Variants in CES3 observed in about 807,000 individuals in gnomAD.
CES3 encodes carboxylesterase 3 (brain).
A neutral mutation model predicts 57.6 loss-of-function variants in CES3; 49 were observed. The observed-to-expected ratio is 0.85, with a 90% CI of 0.68 to 1.08. CES3 has a LOEUF of 1.08. Ranked by LOEUF, CES3 falls within the 50% of genes least tolerant of loss-of-function variation. The pLI, the probability that CES3 is intolerant of heterozygous loss-of-function variation, is 0.00. For missense variants in CES3, 645 were observed against 742.0 expected (o/e 0.87, Z 1.52); for synonymous variants, 266 against 281.6 (o/e 0.94, Z 0.55).
chr16:66,973,367 C>T lies in CES3; in HGVS notation c.*318C>T. The T allele has an allele frequency of 3.5e-6, 1 of 284,818 alleles. No individual in the cohort carries two copies. The highest frequency in any genetic ancestry group is 6.7e-6 in the Non-Finnish European group (1 of 148,362). The allele number at this position is 284,818 out of a possible 1,614,324, so 17.6% of individuals were successfully genotyped here. A position where few individuals can be genotyped will look rare whatever the true frequency, so the allele number is the denominator to read the frequency against. On this transcript the variant is annotated 3_prime_UTR_variant, in exon 13 of 13. Transcript: ENST00000303334. ...TCCCTGCCTTCTCTGGGCTGTGCGG[C>T]CCCGAGTCTGCGTCCATTAGAGCAC...
intron 9 of CES3, among the ~76,000 whole-genome samples, chr16:66,970,610 C>G (rs1963816073): frequency 6.6e-6 from 1 of 151,744 alleles, no homozygotes; most frequent in South Asian, 2.1e-4. Context: ...TATCCTATCC[C>G]CTCTAAGCCC....
intron 8 of CES3, 117 bp downstream of exon 8, chr16:66,966,982 T>C: frequency 1.6e-6 from 2 of 1,274,038 alleles, no homozygotes; most frequent in Non-Finnish European, 1.1e-6. Flanking sequence ...ATTTGATAAG[T>C]GAGAAAGCAG....
At position 66,972,205 on chromosome 16, in the gene CES3, A is replaced by G. The variant is rs1409943159; in HGVS notation, c.1292-151A>G. The G allele has an allele frequency of 1.4e-5, 10 of 714,548 alleles. No individual in the cohort carries two copies. The Admixed American group carries it at 2.2e-4, about 16-fold the overall frequency. The allele number at this position is 714,548 out of a possible 1,614,324, so 44.3% of individuals were successfully genotyped here. A position where few individuals can be genotyped will look rare whatever the true frequency, so the allele number is the denominator to read the frequency against. On this transcript the variant is annotated intron_variant, in intron 10 of 12. Transcript: ENST00000303334. ...GCACACAGAATGGTGCCTGTCACCT[A>G]GCAAGCGCTCAGTAAATGTTTGCAG...
At chr16:66,966,466 G>C in intron 7 of CES3, 121 bp downstream of exon 7, 2 of 1,023,896 alleles carry the variant, frequency 2.0e-6, no homozygotes, top group Non-Finnish European at 2.9e-6. Flanking sequence ...GCTCATGAGG[G>C]GAAGGGGCTG....
chr16:66,966,304 C>G lies in CES3; in HGVS notation c.880C>G (p.Gln294Glu). 1 of 1,613,786 alleles carries G rather than the reference C, an allele frequency of 6.2e-7. No homozygotes were observed. The highest frequency in any genetic ancestry group is 8.5e-7 in the Non-Finnish European group (1 of 1,179,994). ...CCCGGCTGAGATGGTGCAGTGCCTT[C>G]AGCAGAAAGAAGGAGAAGAGCTGGT... ...SSPAEMVQCL[Q>E]QKEGEELVLS... Residue 294 changes from glutamine (Q) to glutamate (E), a missense_variant, in exon 7 of 13, where the codon CAG becomes GAG. By Grantham distance (29) the Gln-to-Glu change is conservative. Coordinates refer to ENST00000303334, the MANE Select transcript of CES3 (RefSeq NM_024922.6).
At position 66,972,392 on chromosome 16, in the gene CES3, A is replaced by C. The variant is rs1299986904; in HGVS notation, c.1328A>C (p.His443Pro). ...GSPVFFYEFQ[H>P]RPSSFAKIKP... ...CCTGTCTTTTTCTATGAGTTCCAGCATCGACCCAGTTCTTTTGCGAAGATC... is the reference window on the plus strand; with the variant it reads ...CCTGTCTTTTTCTATGAGTTCCAGCCTCGACCCAGTTCTTTTGCGAAGATC... Residue 443 changes from histidine to proline, a missense_variant, in exon 11 of 13, where the codon CAT becomes CCT. By Grantham distance (77) the His-to-Pro change is moderately conservative. Coordinates refer to ENST00000303334, the MANE Select transcript of CES3 (RefSeq NM_024922.6). The C allele has an allele frequency of 1.2e-6, 2 of 1,612,024 alleles. No individual in the cohort carries two copies. The highest frequency in any genetic ancestry group is 1.7e-6 in the Non-Finnish European group (2 of 1,179,008).
chr16:66,971,110 C>T, intron 9 of CES3, 62 bp from the exon 10 acceptor site: 2 of 1,542,258 alleles, frequency 1.3e-6, no homozygotes, highest in East Asian at 4.6e-5. Context: ...TTTGGGGCTT[C>T]CTGGGATGGT....
intron 8 of CES3, among the ~76,000 whole-genome samples, chr16:66,968,220 C>T (rs941602506): frequency 7.9e-5 from 12 of 152,102 alleles, no homozygotes; most frequent in Admixed American, 4.6e-4. Context: ...AGTGCAATGG[C>T]GCGATCTTAG....
chr16:66,972,611 G>C (rs1412233389), intron 11 of CES3, 57 bp from the exon 12 acceptor site: 1 of 1,613,018 alleles, frequency 6.2e-7, no homozygotes, highest in African/African-American at 1.3e-5. Context: ...AGGATCCTTG[G>C]GTCCCTTCCA....
At position 66,971,170 on chromosome 16, in the gene CES3, A is replaced by G. The variant is rs1029255447; in HGVS notation, c.1144-2A>G. 6.2e-6 allele frequency: 10 copies of G among 1,611,826 alleles called. No individual in the cohort carries two copies. Among genetic ancestry groups the G allele is most frequent in the Non-Finnish European group, 8.5e-6 (10 of 1,178,612 alleles). On this transcript the variant is annotated splice_acceptor_variant, in intron 9 of 12. Coordinates refer to ENST00000303334, the MANE Select transcript of CES3 (RefSeq NM_024922.6). LOFTEE classifies it high-confidence loss of function. ...AGGGCTGAGCCTGGCCTCTTGCCCC[A>G]GGATGTGCCCCCTGAGATGATGCCC...
In CES3 at chr16:66,969,699, A is replaced by G; in HGVS notation, c.1083A>G (p.Thr361=). The stretch of plus-strand genomic sequence containing the variant: ...CACAGGGCTGGGGTCTCCTGGATAC[A>G]ATGGAGCAGATGAGCCGGGAGGACA... ...LIPRGWGLLD[T]MEQMSREDML... is the part of the protein sequence containing the mutation. The change falls in exon 9 of 13, where the codon ACA becomes ACG. Residue 361 remains threonine (T), a synonymous_variant. Coordinates refer to ENST00000303334, the MANE Select transcript of CES3 (RefSeq NM_024922.6). The G allele has an allele frequency of 6.2e-7, 1 of 1,613,398 alleles. No homozygotes were observed. Among genetic ancestry groups the G allele is most frequent in the Non-Finnish European group, 8.5e-7 (1 of 1,179,746 alleles).
rs942839423 is a variant in CES3 at position 66,974,375 on chromosome 16, A to C, written c.*1326A>C. On this transcript the variant is annotated 3_prime_UTR_variant, in exon 13 of 13. Coordinates refer to ENST00000303334, the MANE Select transcript of CES3 (RefSeq NM_024922.6). ...GGCTCGGCGGGGCCCCACTCAGAGCAGCTGGCCGGCCCCAGGCAGTGAGGG... is the reference window on the plus strand; with the variant it reads ...GGCTCGGCGGGGCCCCACTCAGAGCCGCTGGCCGGCCCCAGGCAGTGAGGG... The C allele has an allele frequency of 6.6e-6, 1 of 152,286 alleles. No homozygotes were observed. The highest frequency in any genetic ancestry group is 1.5e-5 in the Non-Finnish European group (1 of 68,084). The allele number at this position is 152,286 out of a possible 1,614,324, so 9.4% of individuals were successfully genotyped here. A position where few individuals can be genotyped will look rare whatever the true frequency, so the allele number is the denominator to read the frequency against.
chr16:66,971,366 A>ACAGGTGACAT (rs775813992), intron 10 of CES3, 47 bp downstream of exon 10: 77 of 1,589,008 alleles, frequency 4.8e-5, no homozygotes, highest in Non-Finnish European at 6.2e-5. Flanking sequence ...ACTTGGGCCC[A>ACAGGTGACAT]GGAGCTGGGT....
intron 10 of CES3, among the ~76,000 whole-genome samples, chr16:66,972,103 C>T (rs1431329406): frequency 6.6e-6 from 1 of 152,066 alleles, no homozygotes; most frequent in Non-Finnish European, 1.5e-5. Flanking sequence ...TGCCACTGCA[C>T]TCCAGCCTGG....
chr16:66,972,344 C>T lies in CES3; in HGVS notation c.1292-12C>T, dbSNP rs780889689. The T allele has an allele frequency of 1.9e-6, 3 of 1,578,548 alleles. No individual in the cohort carries two copies. The highest frequency in any genetic ancestry group is 2.3e-5 in the South Asian group (2 of 85,510). ...ATGAGTGCCTAACTCCCATCCCATCCTTTCTCTGTAGATTCTGGAAGCCCT... is the reference window on the plus strand; with the variant it reads ...ATGAGTGCCTAACTCCCATCCCATCTTTTCTCTGTAGATTCTGGAAGCCCT... On this transcript the variant is annotated splice_polypyrimidine_tract_variant and intron_variant, in intron 10 of 12. Transcript: ENST00000303334.
chr16:66,964,013 T>G, intron 4 of CES3, 78 bp downstream of exon 4: 3 of 1,576,026 alleles, frequency 1.9e-6, no homozygotes, highest in Non-Finnish European at 2.6e-6. Context: ...GGATCTAGGT[T>G]GGGGTCCGGA....
Position 66,973,402 on chromosome 16 carries a change from G to C in CES3, c.*353G>C, listed in dbSNP as rs574051083. ...GCGTCCATTAGAGCACAGTCCACCC[G>C]AGGCTAGCACCGTGTCTGTGTCTGT... On this transcript the variant is annotated 3_prime_UTR_variant, in exon 13 of 13. Coordinates refer to ENST00000303334, the MANE Select transcript of CES3 (RefSeq NM_024922.6). 4.6e-6 allele frequency: 1 copy of C among 219,712 alleles called. No homozygotes were observed. The highest frequency in any genetic ancestry group is 2.3e-5 in the African/African-American group (1 of 44,052). 13.6% of individuals were successfully genotyped at this position (219,712 alleles called of 1,614,324 possible).
intron 8 of CES3, chr16:66,967,557 T>C (rs527839720): frequency 2.0e-6 from 2 of 985,480 alleles, no homozygotes; most frequent in African/African-American, 3.5e-5. Context: ...GCCAAGTCCC[T>C]TCCATTCCTT....
Position 66,972,424 on chromosome 16 carries a change from G to A in CES3, c.1360G>A (p.Ala454Thr), listed in dbSNP as rs762922918. Residue 454 changes from alanine to threonine, a missense_variant, in exon 11 of 13, where the codon GCC becomes ACC. Coordinates refer to ENST00000303334, the MANE Select transcript of CES3 (RefSeq NM_024922.6). ...RPSSFAKIKP[A>T]WVKADHGAEG... ...CAGTTCTTTTGCGAAGATCAAACCTGCCTGGGTGAAGGCTGATCATGGGGC... is the reference window on the plus strand; with the variant it reads ...CAGTTCTTTTGCGAAGATCAAACCTACCTGGGTGAAGGCTGATCATGGGGC... 1.9e-6 allele frequency: 3 copies of A among 1,613,970 alleles called. No homozygotes were observed. Among genetic ancestry groups the A allele is most frequent in the Non-Finnish European group, 2.5e-6 (3 of 1,179,964 alleles).
Sources: gnomAD v4.1 joint callset for allele counts (sites outside exome capture counted in the v4.1 genomes callset) on GRCh38, gnomAD v4.1.1 for gene constraint, MANE v1.5 for transcripts, NCBI Gene and HGNC (gene_info 2026-07-23, HGNC 2026-07-21) for gene names.